DYM: variants seen among roughly 807,000 people sequenced by gnomAD.
DYM encodes the protein dyggve-Melchior-Clausen syndrome protein.
In DYM, 78 loss-of-function variants were observed where a neutral mutation model predicts 93.1. The ratio of observed to expected loss-of-function variants is 0.84; its 90% CI spans 0.70 to 1.01. The LOEUF is 1.01. DYM is among the 50% of genes least tolerant of loss of function. The probability of loss-of-function intolerance (pLI) is 0.00; values close to 1 mark genes in which losing one functional copy is unlikely to be tolerated. For missense variants in DYM, 789 were observed against 845.0 expected (o/e 0.93, Z 0.82); for synonymous variants, 321 against 319.7 (o/e 1.00, Z -0.04).
intron 2 of DYM, among the ~76,000 whole-genome samples, chr18:49,426,519 CGT>C (rs955507272): frequency 5.3e-5 from 8 of 151,076 alleles, no homozygotes; most frequent in Admixed American, 6.6e-5. Context: ...ATGTTGTGCA[CGT>C]GTACCCTAGA....
intron 1 of DYM, among the ~76,000 whole-genome samples, chr18:49,452,467 G>C (rs1276258732): frequency 6.6e-6 from 1 of 151,862 alleles, no homozygotes; most frequent in Admixed American, 6.6e-5. Context: ...TGTTTTGACA[G>C]GGTGCTGATT....
intron 8 of DYM, among the ~76,000 whole-genome samples, chr18:49,326,286 G>A (rs2062870168): frequency 6.6e-6 from 1 of 151,746 alleles, no homozygotes; most frequent in Non-Finnish European, 1.5e-5. Flanking sequence ...TTTCCATTTT[G>A]TCAGCATATT....
At chr18:49,066,677 C>T (rs781377191) in intron 17 of DYM, among the ~76,000 whole-genome samples, 1 of 152,048 alleles carries the variant, frequency 6.6e-6, no homozygotes, top group Non-Finnish European at 1.5e-5. Flanking sequence ...AGCAGATAAG[C>T]CAAACTGGTT....
chr18:49,400,554 G>GA (rs1175011991), intron 2 of DYM, among the ~76,000 whole-genome samples: 5 of 152,110 alleles, frequency 3.3e-5, no homozygotes, highest in South Asian at 4.2e-4. Flanking sequence ...GGCTCAGCCA[G>GA]AAAAAAACCA....
chr18:49,362,568 A>G (rs374028127), intron 6 of DYM, among the ~76,000 whole-genome samples: 1 of 152,308 alleles, frequency 6.6e-6, no homozygotes, highest in South Asian at 2.1e-4. Flanking sequence ...TGGTGCCAAG[A>G]AGGCTATGCA....
chr18:49,455,670 G>C (rs556294526), intron 1 of DYM, among the ~76,000 whole-genome samples: 39 of 152,290 alleles, frequency 2.6e-4, no homozygotes, highest in African/African-American at 8.9e-4. Context: ...AAGGAGCAGA[G>C]GCCAGGCGCA....
At chr18:49,154,646 C>G (rs2086186107) in intron 15 of DYM, among the ~76,000 whole-genome samples, 1 of 152,124 alleles carries the variant, frequency 6.6e-6, no homozygotes, top group Non-Finnish European at 1.5e-5. Context: ...CCACCTGCCT[C>G]TGCCTCCCAA....
chr18:49,311,838 C>T (rs2061611411), intron 8 of DYM, among the ~76,000 whole-genome samples: 1 of 150,712 alleles, frequency 6.6e-6, no homozygotes, highest in Non-Finnish European at 1.5e-5. Context: ...AACAAACCTT[C>T]ACGTTATGCA....
chr18:49,185,902 A>G (rs1380989368), intron 14 of DYM, among the ~76,000 whole-genome samples: 2 of 152,124 alleles, frequency 1.3e-5, no homozygotes, highest in East Asian at 3.9e-4. Context: ...TTTGTCTATC[A>G]ACCTCAGCAA....
intron 17 of DYM, among the ~76,000 whole-genome samples, chr18:49,080,177 C>T (rs2077738194): frequency 9.2e-6 from 1 of 109,232 alleles, no homozygotes; most frequent in African/African-American, 3.4e-5. Context: ...CCCCACCTCC[C>T]TCCCGGACGG....
intron 14 of DYM, among the ~76,000 whole-genome samples, chr18:49,170,314 AC>A (rs1423681649): frequency 6.6e-6 from 1 of 152,150 alleles, no homozygotes; most frequent in Non-Finnish European, 1.5e-5. Flanking sequence ...CTTCTAGGAA[AC>A]CTACAGGTGC....
chr18:49,371,081 C>A (rs1010822678), intron 5 of DYM, among the ~76,000 whole-genome samples: 1 of 152,120 alleles, frequency 6.6e-6, no homozygotes, highest in East Asian at 1.9e-4. Flanking sequence ...AGGAATGGGG[C>A]CTGAACCTGA....
chr18:49,116,016 C>T (rs1232522975), intron 16 of DYM: 1 of 152,156 alleles, frequency 6.6e-6, no homozygotes, highest in African/African-American at 2.4e-5. Flanking sequence ...GATGCAATAG[C>T]CACCCTACCT....
At chr18:49,133,571 G>A (rs996779412) in intron 15 of DYM, among the ~76,000 whole-genome samples, 1 of 152,170 alleles carries the variant, frequency 6.6e-6, no homozygotes, top group African/African-American at 2.4e-5. Context: ...TCATTTCCTT[G>A]TAGCTGCAGA....
At chr18:49,234,779 A>G (rs1171312300) in intron 13 of DYM, among the ~76,000 whole-genome samples, 2 of 152,194 alleles carry the variant, frequency 1.3e-5, no homozygotes, top group African/African-American at 4.8e-5. Flanking sequence ...AATATGCACA[A>G]TCTAATCATA....
chr18:49,390,732 C>G (rs1027682766), intron 3 of DYM: 1 of 152,182 alleles, frequency 6.6e-6, no homozygotes, highest in Non-Finnish European at 1.5e-5. Flanking sequence ...GTCTTGAACT[C>G]CTGACTTCGT....
At position 49,273,014 on chromosome 18, in the gene DYM, C is replaced by CAA. The variant is rs71165380; in HGVS notation, c.1126-713_1126-712dup. ...TATCCACTGAATGCTAGAAAACAGG[C>CAA]AAAAAAAAAAATCTATCATCTAAAT... On this transcript the variant is annotated intron_variant, in intron 10 of 17. Transcript: ENST00000675505. Among the ~76,000 whole-genome samples the CAA allele has an allele frequency of 1.1e-4, 16 of 146,644 alleles. No individual in the cohort carries two copies. The East Asian group carries it at 1.8e-3, about 16-fold the overall frequency.
intron 8 of DYM, among the ~76,000 whole-genome samples, chr18:49,322,924 G>T (rs2062598796): frequency 6.6e-6 from 1 of 152,136 alleles, no homozygotes; most frequent in African/African-American, 2.4e-5. Context: ...TTATTGAAAG[G>T]TTAATAGCCC....
intron 8 of DYM, among the ~76,000 whole-genome samples, chr18:49,317,347 A>G (rs568157608): frequency 6.6e-6 from 1 of 152,306 alleles, no homozygotes; most frequent in East Asian, 1.9e-4. Flanking sequence ...TTAGCAGTGA[A>G]TGTGGTGAGA....
Sources: gnomAD v4.1 joint callset for allele counts (sites outside exome capture counted in the v4.1 genomes callset) on GRCh38, gnomAD v4.1.1 for gene constraint, MANE v1.5 for transcripts, NCBI Gene and HGNC (gene_info 2026-07-23, HGNC 2026-07-21) for gene names.